The following KCNH1 variants were observed in gnomAD, a reference collection of about 807,000 sequenced individuals.
KCNH1 encodes the protein voltage-gated delayed rectifier potassium channel KCNH1.
A neutral mutation model predicts 69.2 loss-of-function variants in KCNH1; 27 were observed. The observed-to-expected ratio is 0.39, with a 90% CI of 0.29 to 0.54. The LOEUF (loss-of-function observed/expected upper bound fraction) is 0.54, where lower values mean the gene tolerates loss of function less well. Among genes scored for constraint, KCNH1 ranks in the 20% least tolerant of loss-of-function variants. KCNH1 has a pLI of 0.68. For missense variants in KCNH1, 798 were observed against 1,261.6 expected (o/e 0.63, Z 5.57); for synonymous variants, 456 against 487.7 (o/e 0.93, Z 0.86).
chr1:210,924,334 C>G (rs1340733413), intron 6 of KCNH1, among the ~76,000 whole-genome samples: 1 of 152,198 alleles, frequency 6.6e-6, no homozygotes, highest in Non-Finnish European at 1.5e-5. Context: ...ATTTTCTAAA[C>G]TAAATTGAAG....
chr1:210,737,145 C>T (rs1298297679), intron 10 of KCNH1, among the ~76,000 whole-genome samples: 1 of 152,042 alleles, frequency 6.6e-6, no homozygotes, highest in Non-Finnish European at 1.5e-5. Flanking sequence ...TAGAGTATTT[C>T]CAGTGGAAAG....
In KCNH1 at chr1:211,107,372, T is replaced by G. The variant is rs1691369469; in HGVS notation, c.85A>C (p.Asn29His). The change falls in exon 2 of 11, where the codon AAT (asparagine) becomes CAT (histidine). Residue 29 changes from asparagine (N) to histidine (H), a missense_variant. Asn to His is a moderately conservative substitution (Grantham distance 68). Transcript: ENST00000271751. ...ENIVRRSNDT[N>H]FVLGNAQIVD... is the part of the protein sequence containing the mutation. ...ATCTGAGCATTCCCCAACACAAAATTAGTATCTGTTAAAAAAAAAAAAAAG... is the reference window on the plus strand; with the variant it reads ...ATCTGAGCATTCCCCAACACAAAATGAGTATCTGTTAAAAAAAAAAAAAAG... 1 of 1,565,240 alleles carries G rather than the reference T, an allele frequency of 6.4e-7. No individual in the cohort carries two copies. The highest frequency in any genetic ancestry group is 8.6e-7 in the Non-Finnish European group (1 of 1,161,878).
intron 5 of KCNH1, among the ~76,000 whole-genome samples, chr1:211,038,730 G>A (rs749421393): frequency 8.5e-5 from 13 of 152,164 alleles, no homozygotes; most frequent in Non-Finnish European, 1.6e-4. Flanking sequence ...CTAGTGATTT[G>A]TGGAACTTTG....
At chr1:211,032,984 G>A (rs1304307246) in intron 5 of KCNH1, among the ~76,000 whole-genome samples, 2 of 152,186 alleles carry the variant, frequency 1.3e-5, no homozygotes, top group East Asian at 1.9e-4. Flanking sequence ...AACCTACAGA[G>A]TGGGAGAACA....
At chr1:210,762,478 T>C (rs1426795114) in intron 10 of KCNH1, among the ~76,000 whole-genome samples, 2 of 152,120 alleles carry the variant, frequency 1.3e-5, no homozygotes, top group African/African-American at 2.4e-5. Flanking sequence ...GATAGACCAC[T>C]AGCTAGATGA....
chr1:210,735,093 T>C (rs1393314337), intron 10 of KCNH1, among the ~76,000 whole-genome samples: 1 of 152,192 alleles, frequency 6.6e-6, no homozygotes, highest in Non-Finnish European at 1.5e-5. Flanking sequence ...CCATGCTCTT[T>C]TGCACCTCAG....
rs561699125 is a variant in KCNH1 at position 210,679,007 on chromosome 1, T to G, written c.*4274A>C. On this transcript the variant is annotated 3_prime_UTR_variant, in exon 11 of 11. Transcript: ENST00000271751. ...CATGAGAATGAAGTTTCACTTGAAT[T>G]TAAGCTGCAGATAAATTCACATTGA... 2.0e-5 allele frequency: 3 copies of G among 152,366 alleles called. No individual in the cohort carries two copies. Among genetic ancestry groups the G allele is most frequent in the East Asian group, 3.9e-4 (2 of 5,184 alleles). 9.4% of individuals were successfully genotyped at this position (152,366 alleles called of 1,614,324 possible).
At position 211,133,771 on chromosome 1, in the gene KCNH1, GT is replaced by G; in HGVS notation, c.79+95del. The G allele has an allele frequency of 8.4e-7, 1 of 1,185,304 alleles. No individual in the cohort carries two copies. Among genetic ancestry groups the G allele is most frequent in the Non-Finnish European group, 1.2e-6 (1 of 809,724 alleles). The allele number at this position is 1,185,304 out of a possible 1,614,324, so 73.4% of individuals were successfully genotyped here. A position where few individuals can be genotyped will look rare whatever the true frequency, so the allele number is the denominator to read the frequency against. On this transcript the variant is annotated intron_variant, in intron 1 of 10. Transcript: ENST00000271751. The surrounding 1 kb of genome is among the most constrained non-coding windows in gnomAD (Gnocchi z 5.4). Reference sequence around the variant, plus strand: ...CGCGGCTCCTTAGCAGAGCTCGCGGGTTCTGCTGCATCTGCTGGCTCCGAGC... The same window carrying G: ...CGCGGCTCCTTAGCAGAGCTCGCGGGTCTGCTGCATCTGCTGGCTCCGAGC...
Position 211,035,236 on chromosome 1 carries a change from C to CTTTT in KCNH1, c.559-15984_559-15981dup, listed in dbSNP as rs765170558. Among the ~76,000 whole-genome samples, 227 of 75,044 alleles carry CTTTT rather than the reference C, an allele frequency of 3.0e-3. 15 individuals are homozygous for CTTTT. Among genetic ancestry groups the CTTTT allele is most frequent in the African/African-American group, 7.9e-3 (140 of 17,674 alleles). The allele number at this position is 75,044 out of a possible 152,430, so 49.2% of individuals were successfully genotyped here. A position where few individuals can be genotyped will look rare whatever the true frequency, so the allele number is the denominator to read the frequency against. On this transcript the variant is annotated intron_variant, in intron 5 of 10. Coordinates refer to ENST00000271751, the MANE Select transcript of KCNH1 (RefSeq NM_172362.3). The stretch of plus-strand genomic sequence containing the variant: ...ATTTAAACCATAGGGTACTGGCATT[C>CTTTT]TTTTTTTTTTTTTTTTTTTTTTTTT...
At chr1:210,828,377 A>G (rs958759637) in intron 7 of KCNH1, among the ~76,000 whole-genome samples, 7 of 152,210 alleles carry the variant, frequency 4.6e-5, no homozygotes, top group Non-Finnish European at 4.4e-5. Flanking sequence ...AGAATGTAAC[A>G]TAATAAAACA....
In KCNH1 at chr1:210,823,025, A is replaced by G. The variant is rs145370699; in HGVS notation, c.1463-18859T>C. Among the ~76,000 whole-genome samples the G allele has an allele frequency of 8.5e-3, 1,299 of 152,196 alleles. 10 individuals are homozygous for G. Among genetic ancestry groups the G allele is most frequent in the Non-Finnish European group, 0.011 (735 of 68,002 alleles). ...TCTCAATACATTATTGATGAACTGAATTTTACTCCCTGTATTACACAATGA... is the reference window on the plus strand; with the variant it reads ...TCTCAATACATTATTGATGAACTGAGTTTTACTCCCTGTATTACACAATGA... On this transcript the variant is annotated intron_variant, in intron 7 of 10. Transcript: ENST00000271751.
intron 6 of KCNH1, among the ~76,000 whole-genome samples, chr1:210,997,079 A>C (rs1294294091): frequency 6.6e-6 from 1 of 152,208 alleles, no homozygotes; most frequent in Non-Finnish European, 1.5e-5. Context: ...GAGCAGAAAA[A>C]CTGGAAACTC....
chr1:210,950,137 AG>A (rs1014644326), intron 6 of KCNH1, among the ~76,000 whole-genome samples: 31 of 152,040 alleles, frequency 2.0e-4, no homozygotes, highest in African/African-American at 6.8e-4. Context: ...CTCCCTCCAG[AG>A]TGCCACCTAG....
chr1:211,036,986 A>G (rs1689910598), intron 5 of KCNH1, among the ~76,000 whole-genome samples: 1 of 152,178 alleles, frequency 6.6e-6, no homozygotes, highest in African/African-American at 2.4e-5. Context: ...GCCATTATTT[A>G]TGGGGTCAAA....
chr1:210,853,874 C>G (rs980877249), intron 7 of KCNH1, among the ~76,000 whole-genome samples: 14 of 133,970 alleles, frequency 1.0e-4, no homozygotes, highest in African/African-American at 3.9e-4. Flanking sequence ...TTCAATTCTT[C>G]TTCTAGGAGA....
rs750747099 is a variant in KCNH1, at chr1:210,680,401, C to T, written c.*2880G>A. On this transcript the variant is annotated 3_prime_UTR_variant, in exon 11 of 11. Transcript: ENST00000271751. The stretch of plus-strand genomic sequence containing the variant: ...CTCCTCAAAGAGGAAAAACATACAT[C>T]CTGGGCAAATCTGTTCTCTCTTGGC... The T allele has an allele frequency of 3.9e-5, 6 of 152,164 alleles. No individual in the cohort carries two copies. Among genetic ancestry groups the T allele is most frequent in the Non-Finnish European group, 8.8e-5 (6 of 68,042 alleles). 9.4% of individuals were successfully genotyped at this position (152,164 alleles called of 1,614,324 possible). A position where few individuals can be genotyped will look rare whatever the true frequency, so the allele number is the denominator to read the frequency against.
In KCNH1 at chr1:211,065,518, C is replaced by G. The variant is rs4612687; in HGVS notation, c.558+17262G>C. Among the ~76,000 whole-genome samples the G allele has an allele frequency of 2.0e-5, 3 of 151,864 alleles. 1 individual carries two copies. The South Asian group carries it at 6.2e-4, about 32-fold the overall frequency. ...TGGGGATGATGTTGGTCAAAGGATA[C>G]AAAATTTCATTTAGATAGGAAGAAT... On this transcript the variant is annotated intron_variant, in intron 5 of 10. Transcript: ENST00000271751.
intron 7 of KCNH1, among the ~76,000 whole-genome samples, chr1:210,883,108 TG>T (rs1328235440): frequency 6.6e-6 from 1 of 152,102 alleles, no homozygotes; most frequent in Non-Finnish European, 1.5e-5. Context: ...CAGAGACAAG[TG>T]CTAGGTATGA....
chr1:210,732,069 G>C (rs1405762363), intron 10 of KCNH1, among the ~76,000 whole-genome samples: 1 of 152,030 alleles, frequency 6.6e-6, no homozygotes, highest in Non-Finnish European at 1.5e-5. Context: ...CGATGGGAGG[G>C]AGCCCAGGCC....
Sources: gnomAD v4.1 joint callset for allele counts (sites outside exome capture counted in the v4.1 genomes callset) on GRCh38, gnomAD v4.1.1 for gene constraint, Gnocchi (gnomAD v3.1) non-coding constraint, MANE v1.5 for transcripts, NCBI Gene and HGNC (gene_info 2026-07-23, HGNC 2026-07-21) for gene names.